Variants in DGKI observed in about 807,000 individuals in gnomAD.
The protein encoded by DGKI is diacylglycerol kinase iota.
A neutral mutation model predicts 147.5 loss-of-function variants in DGKI; 55 were observed. The ratio of observed to expected loss-of-function variants is 0.37; its 90% CI spans 0.30 to 0.47. The LOEUF is 0.47. Among genes scored for constraint, DGKI ranks in the 20% least tolerant of loss-of-function variants. The pLI is 1.00. For missense variants in DGKI, 1,007 were observed against 1,323.8 expected (o/e 0.76, Z 3.71); for synonymous variants, 469 against 477.1 (o/e 0.98, Z 0.22).
At chr7:137,450,614 T>C (rs1813915701) in intron 27 of DGKI, among the ~76,000 whole-genome samples, 1 of 151,948 alleles carries the variant, frequency 6.6e-6, no homozygotes. Context: ...CCCAGCTACT[T>C]GGGAGGCTAA....
chr7:137,713,494 A>C (rs1794278369), intron 1 of DGKI, among the ~76,000 whole-genome samples: 1 of 152,124 alleles, frequency 6.6e-6, no homozygotes, highest in African/African-American at 2.4e-5. Flanking sequence ...CACATAATAC[A>C]CATTTATTTT....
intron 30 of DGKI, among the ~76,000 whole-genome samples, chr7:137,398,101 T>C (rs558219411): frequency 3.3e-5 from 5 of 152,318 alleles, no homozygotes; most frequent in South Asian, 2.1e-4. Flanking sequence ...GGGTATCCAA[T>C]GAGACTTTTT....
intron 1 of DGKI, among the ~76,000 whole-genome samples, chr7:137,741,638 G>A (rs962441348): frequency 2.0e-5 from 3 of 152,172 alleles, no homozygotes; most frequent in Non-Finnish European, 4.4e-5. Context: ...TGCTGAATCT[G>A]CACAGAAACC....
chr7:137,476,760 C>T (rs907551976), intron 23 of DGKI, among the ~76,000 whole-genome samples: 2 of 152,174 alleles, frequency 1.3e-5, no homozygotes, highest in Non-Finnish European at 2.9e-5. Flanking sequence ...CATGTAAGAG[C>T]TGGCCACAAT....
At chr7:137,474,304 G>A (rs149820807) in intron 23 of DGKI, among the ~76,000 whole-genome samples, 4 of 152,102 alleles carry the variant, frequency 2.6e-5, no homozygotes, top group African/African-American at 9.6e-5. Flanking sequence ...CACCTACATC[G>A]GGACACTAAA....
intron 21 of DGKI, among the ~76,000 whole-genome samples, chr7:137,492,494 C>A (rs1444646155): frequency 6.6e-6 from 1 of 152,182 alleles, no homozygotes; most frequent in African/African-American, 2.4e-5. Context: ...TCAGTAACCC[C>A]TGGGGTAGTG....
intron 2 of DGKI, among the ~76,000 whole-genome samples, chr7:137,686,214 T>A (rs1823409412): frequency 6.6e-6 from 1 of 152,216 alleles, no homozygotes; most frequent in Non-Finnish European, 1.5e-5. Context: ...AAGCAAAGAC[T>A]ACATCAGATA....
intron 3 of DGKI, among the ~76,000 whole-genome samples, chr7:137,672,358 A>G (rs147965060): frequency 1.3e-5 from 2 of 152,340 alleles, no homozygotes; most frequent in Non-Finnish European, 2.9e-5. Context: ...GTAGAAGTGA[A>G]CAGCCCGATA....
At position 137,577,118 on chromosome 7, in the gene DGKI, T is replaced by G. The variant is rs1036237202; in HGVS notation, c.1761+104A>C. ...GAACTACACAAAATGATCTCCAAAGTTCTATGCAGTCCAGTGATTCAATAT... is the reference window on the plus strand; with the variant it reads ...GAACTACACAAAATGATCTCCAAAGGTCTATGCAGTCCAGTGATTCAATAT... On this transcript the variant is annotated intron_variant, in intron 17 of 32. Transcript: ENST00000614521. The G allele has an allele frequency of 3.7e-6, 3 of 808,842 alleles. No homozygotes were observed. The Admixed American group carries it at 6.7e-5, about 18-fold the overall frequency. 50.1% of individuals were successfully genotyped at this position (808,842 alleles called of 1,614,324 possible).
At chr7:137,417,908 A>T (rs532020633) in intron 28 of DGKI, among the ~76,000 whole-genome samples, 31 of 152,284 alleles carry the variant, frequency 2.0e-4, no homozygotes, top group Non-Finnish European at 4.3e-4. Flanking sequence ...TAGCACCTTG[A>T]TCTTGGTCTT....
intron 8 of DGKI, among the ~76,000 whole-genome samples, chr7:137,619,369 A>C (rs7811058): frequency 0.031 from 4,691 of 152,334 alleles, 224 homozygotes; most frequent in African/African-American, 0.1. Context: ...GTATTCAGGA[A>C]GGTCATGATT....
intron 28 of DGKI, among the ~76,000 whole-genome samples, chr7:137,424,655 G>A (rs536767917): frequency 1.4e-4 from 21 of 152,256 alleles, no homozygotes; most frequent in African/African-American, 3.9e-4. Context: ...GGTGACAGAC[G>A]GCACCTGGAA....
At chr7:137,663,697 C>G (rs924848138) in intron 3 of DGKI, among the ~76,000 whole-genome samples, 1 of 152,068 alleles carries the variant, frequency 6.6e-6, no homozygotes, top group East Asian at 1.9e-4. Flanking sequence ...GAGGAGCTGT[C>G]TATGAGGAGC....
At chr7:137,554,394 C>T (rs1004725189) in intron 19 of DGKI, among the ~76,000 whole-genome samples, 5 of 152,242 alleles carry the variant, frequency 3.3e-5, no homozygotes, top group Non-Finnish European at 5.9e-5. Flanking sequence ...TTGATTTATT[C>T]GTGACAGTCG....
intron 27 of DGKI, among the ~76,000 whole-genome samples, chr7:137,456,559 G>A (rs1814215577): frequency 6.6e-6 from 1 of 152,138 alleles, no homozygotes; most frequent in Non-Finnish European, 1.5e-5. Context: ...GTCATCCAAG[G>A]AACTCACATG....
intron 3 of DGKI, among the ~76,000 whole-genome samples, chr7:137,658,179 AAAAG>A (rs1822291278): frequency 6.6e-6 from 1 of 152,220 alleles, no homozygotes; most frequent in South Asian, 2.1e-4. Flanking sequence ...GAAGAAGAGA[AAAAG>A]AAGGAGGGGG....
chr7:137,535,755 G>A (rs907910043), intron 20 of DGKI, among the ~76,000 whole-genome samples: 2 of 152,068 alleles, frequency 1.3e-5, no homozygotes, highest in African/African-American at 4.8e-5. Context: ...AATGTGGAAG[G>A]GGCCCTAAGT....
intron 20 of DGKI, chr7:137,545,806 G>A (rs985873675): frequency 3.0e-5 from 17 of 576,110 alleles, no homozygotes; most frequent in Admixed American, 7.8e-5. Context: ...CTTATCTGAC[G>A]AACAGACCTG....
At chr7:137,791,304 A>T (rs1160748155) in intron 1 of DGKI, among the ~76,000 whole-genome samples, 1 of 152,210 alleles carries the variant, frequency 6.6e-6, no homozygotes, top group East Asian at 1.9e-4. Context: ...CAAGTGACCT[A>T]AAGGTTGTCC....
Sources: allele counts gnomAD v4.1 joint callset (sites outside exome capture counted in the v4.1 genomes callset), GRCh38; gene constraint gnomAD v4.1.1; transcripts MANE v1.5; gene names NCBI Gene and HGNC (gene_info 2026-07-23, HGNC 2026-07-21).